The following FRMPD4 variants were observed in gnomAD, a reference collection of about 807,000 sequenced individuals.
The protein encoded by FRMPD4 is FERM and PDZ domain containing 4.
In FRMPD4, 22 loss-of-function variants were observed where a neutral mutation model predicts 94.1. The observed-to-expected ratio is 0.23, with a 90% CI of 0.17 to 0.33. FRMPD4 has a LOEUF of 0.33. Ranked by LOEUF, FRMPD4 falls within the 10% of genes least tolerant of loss-of-function variation. The pLI is 1.00. For synonymous variants in FRMPD4, 631 were observed against 548.6 expected (o/e 1.15, Z -2.10); for missense variants, 1,111 against 1,339.9 (o/e 0.83, Z 2.67).
chrX:12,416,941 T>G (rs1242329125), intron 1 of FRMPD4, among the ~76,000 whole-genome samples: 1 of 111,889 alleles, frequency 8.9e-6, no homozygotes, highest in Non-Finnish European at 1.9e-5. Flanking sequence ...GCTTAATCTC[T>G]TTCCTTAGTC....
chrX:12,427,169 ATAAT>A (rs1384185800), intron 1 of FRMPD4, among the ~76,000 whole-genome samples: 1 of 112,192 alleles, frequency 8.9e-6, no homozygotes, highest in Admixed American at 9.4e-5. Context: ...GATGCAAAGG[ATAAT>A]TAATTGGTTG....
At chrX:12,383,613 G>A (rs770277399) in intron 1 of FRMPD4, among the ~76,000 whole-genome samples, 2 of 111,066 alleles carry the variant, frequency 1.8e-5, no homozygotes, top group East Asian at 2.8e-4. Flanking sequence ...TCATGCCTGC[G>A]CCGCCTGAGT....
chrX:12,542,321 A>T (rs1306270002), intron 2 of FRMPD4, among the ~76,000 whole-genome samples: 1 of 112,183 alleles, frequency 8.9e-6, no homozygotes, highest in Non-Finnish European at 1.9e-5. Flanking sequence ...AGATTACATG[A>T]TTGTATATTA....
At chrX:12,295,669 T>C in intron 1 of FRMPD4, among the ~76,000 whole-genome samples, 1 of 112,485 alleles carries the variant, frequency 8.9e-6, no homozygotes, top group African/African-American at 3.2e-5. Flanking sequence ...GGTGTTGACA[T>C]TGCTTAACTG....
intron 3 of FRMPD4, among the ~76,000 whole-genome samples, chrX:12,109,289 A>G (rs751864532): frequency 2.7e-5 from 3 of 112,265 alleles, no homozygotes; most frequent in South Asian, 3.7e-4. Flanking sequence ...CTGCTCAACT[A>G]CATGGAAACT....
intron 2 of FRMPD4, among the ~76,000 whole-genome samples, chrX:12,534,229 A>T (rs1466480274): frequency 8.9e-6 from 1 of 112,955 alleles, no homozygotes; most frequent in Admixed American, 9.3e-5. Context: ...AGAAGTCAAG[A>T]ATCGGGGTTT....
intron 1 of FRMPD4, among the ~76,000 whole-genome samples, chrX:12,320,344 A>G (rs1238077284): frequency 9.0e-6 from 1 of 111,132 alleles, no homozygotes; most frequent in Non-Finnish European, 1.9e-5. Flanking sequence ...GGGGCAATTG[A>G]AAACTGGAAC....
At chrX:11,834,162 T>C (rs1460644099) in intron 1 of FRMPD4, among the ~76,000 whole-genome samples, 1 of 111,845 alleles carries the variant, frequency 8.9e-6, no homozygotes, top group Non-Finnish European at 1.9e-5. Context: ...AACTCCCTTG[T>C]GTGTCTGTGC....
intron 3 of FRMPD4, among the ~76,000 whole-genome samples, chrX:11,901,059 G>A (rs1227380469): frequency 9.0e-6 from 1 of 111,437 alleles, no homozygotes; most frequent in Non-Finnish European, 1.9e-5. Flanking sequence ...TTAAGTCTCT[G>A]TGGCCATGTG....
At position 12,347,694 on chromosome X, in the gene FRMPD4, A is replaced by G. The variant is rs770064910; in HGVS notation, c.42-150986A>G. 2.7e-5 allele frequency among the ~76,000 whole-genome samples: 3 copies of G among 111,936 alleles called. No homozygotes were observed. The South Asian group carries it at 1.1e-3, about 41-fold the overall frequency. On this transcript the variant is annotated intron_variant, in intron 1 of 16. Coordinates refer to ENST00000675598, the MANE Select transcript of FRMPD4 (RefSeq NM_001368397.1). ...TTTTTACTCATTCTAATTATTTCAT[A>G]GAAGTGTCACAATATTGAATTTTGG...
intron 3 of FRMPD4, among the ~76,000 whole-genome samples, chrX:12,097,419 A>G (rs773352109): frequency 1.3e-4 from 15 of 112,583 alleles, no homozygotes; most frequent in Admixed American, 4.7e-4. Flanking sequence ...GGTATAAATT[A>G]TATATCAACA....
chrX:11,910,815 T>C (rs2053992973), intron 3 of FRMPD4, among the ~76,000 whole-genome samples: 1 of 111,967 alleles, frequency 8.9e-6, no homozygotes, highest in Non-Finnish European at 1.9e-5. Context: ...GTAGAACATA[T>C]ACATATGTCT....
chrX:11,825,573 A>T (rs928701478), intron 1 of FRMPD4, among the ~76,000 whole-genome samples: 5 of 107,556 alleles, frequency 4.6e-5, no homozygotes, highest in Non-Finnish European at 9.5e-5. Context: ...GTAAATGTTT[A>T]AAAATAATAA....
intron 1 of FRMPD4, among the ~76,000 whole-genome samples, chrX:11,845,666 A>G (rs1309740957): frequency 9.1e-6 from 1 of 110,421 alleles, no homozygotes; most frequent in Non-Finnish European, 1.9e-5. Flanking sequence ...CAGCACATCA[A>G]AAAGCTTATC....
rs1018499266 is a variant in FRMPD4 at position 12,267,190 on chromosome X, G to A, written c.41+128178G>A. Among the ~76,000 whole-genome samples, 5 of 111,738 alleles carry A rather than the reference G, an allele frequency of 4.5e-5. No individual in the cohort carries two copies. In the East Asian group the frequency reaches 8.4e-4, roughly 19 times the overall value. On this transcript the variant is annotated intron_variant, in intron 1 of 16. Coordinates refer to ENST00000675598, the MANE Select transcript of FRMPD4 (RefSeq NM_001368397.1). ...TCAAACCATTGTAAGTCAAGGACCC[G>A]CTATATAATCAAGAGGGAGAAAGAA...
chrX:12,015,864 T>C (rs2054602225), intron 3 of FRMPD4, among the ~76,000 whole-genome samples: 1 of 111,973 alleles, frequency 8.9e-6, no homozygotes, highest in South Asian at 3.8e-4. Flanking sequence ...CCACACACTA[T>C]GCTGAGGCTG....
intron 1 of FRMPD4, among the ~76,000 whole-genome samples, chrX:12,331,911 A>AAT (rs1451569377): frequency 2.0e-5 from 1 of 50,504 alleles, no homozygotes; most frequent in Non-Finnish European, 3.1e-5. Context: ...ACTATATATA[A>AAT]ATATATATAT....
chrX:12,089,408 T>A (rs1019788221), intron 3 of FRMPD4, among the ~76,000 whole-genome samples: 1 of 112,286 alleles, frequency 8.9e-6, no homozygotes, highest in South Asian at 3.7e-4. Flanking sequence ...CCAAAATGAT[T>A]CTATTGATCT....
intron 1 of FRMPD4, among the ~76,000 whole-genome samples, chrX:12,143,191 G>A (rs1174576149): frequency 8.9e-6 from 1 of 112,144 alleles, no homozygotes; most frequent in Non-Finnish European, 1.9e-5. Context: ...CTTTAATCTT[G>A]AAAGCTAATC....
Sources: gnomAD v4.1 joint callset for allele counts (sites outside exome capture counted in the v4.1 genomes callset) on GRCh38, gnomAD v4.1.1 for gene constraint, MANE v1.5 for transcripts, NCBI Gene and HGNC (gene_info 2026-07-23, HGNC 2026-07-21) for gene names.